The following NDST4 variants were observed in gnomAD, a reference collection of about 807,000 sequenced individuals.
The protein encoded by NDST4 is N-deacetylase and N-sulfotransferase 4.
Under a neutral mutation model 100.8 loss-of-function variants are expected in NDST4, and 63 were observed. The observed-to-expected ratio is 0.62, with a 90% confidence interval of 0.51 to 0.77. NDST4 has a LOEUF of 0.77. NDST4 is among the 30% of genes least tolerant of loss of function. The probability of loss-of-function intolerance (pLI) is 0.00; values close to 1 mark genes in which losing one functional copy is unlikely to be tolerated. For missense variants in NDST4, 943 were observed against 1,018.4 expected, an observed-to-expected ratio of 0.93 and a Z score of 1.01; for synonymous variants, 377 against 361.8, an observed-to-expected ratio of 1.04 and a Z score of -0.48.
rs376969644 is a variant in NDST4 at position 114,987,274 on chromosome 4, C to A, written c.979-10000G>T. Among the ~76,000 whole-genome samples the A allele has an allele frequency of 2.1e-4, 32 of 152,234 alleles. No individual in the cohort carries two copies. In the East Asian group the frequency reaches 2.9e-3, roughly 14 times the overall value. On this transcript the variant is annotated intron_variant, in intron 2 of 13. Coordinates refer to ENST00000264363, the MANE Select transcript of NDST4 (RefSeq NM_022569.3). ...ATAACACAAAATATCCCCAAGAATTCTCAGAAAGGATCTGAGAACTGGGTC... is the reference window on the plus strand; with the variant it reads ...ATAACACAAAATATCCCCAAGAATTATCAGAAAGGATCTGAGAACTGGGTC...
chr4:114,862,411 C>A (rs1054630900), intron 7 of NDST4, among the ~76,000 whole-genome samples: 1 of 152,098 alleles, frequency 6.6e-6, no homozygotes, highest in Middle Eastern at 3.2e-3. Flanking sequence ...AGTTCTCAAC[C>A]TATACTTATT....
intron 1 of NDST4, among the ~76,000 whole-genome samples, chr4:115,106,332 C>G (rs1003553743): frequency 6.6e-6 from 1 of 152,074 alleles, no homozygotes; most frequent in African/African-American, 2.4e-5. Flanking sequence ...TTAGTGTCAT[C>G]AAACTTTTGG....
intron 6 of NDST4, among the ~76,000 whole-genome samples, chr4:114,929,113 C>CATCCATCCATCCATCCATCCATCTATCT: frequency 8.5e-6 from 1 of 117,392 alleles, no homozygotes; most frequent in East Asian, 2.5e-4. Flanking sequence ...TCCATCCATC[C>CATCCATCCATCCATCCATCCATCTATCT]ATCTATCTAT....
In NDST4 at chr4:114,874,023, C is replaced by T. The variant is rs79477952; in HGVS notation, c.1537-3073G>A. On this transcript the variant is annotated intron_variant, in intron 6 of 13. Transcript: ENST00000264363. The stretch of plus-strand genomic sequence containing the variant: ...AAGTGCATTCACATTGTTGTATAAC[C>T]AGCATCACTATTCATCTCCAGAACT... 4.8e-3 allele frequency among the ~76,000 whole-genome samples: 735 copies of T among 151,904 alleles called. 32 individuals carry two copies. In the East Asian group the frequency reaches 0.095, roughly 20 times the overall value.
At chr4:114,899,417 T>C (rs950826736) in intron 6 of NDST4, among the ~76,000 whole-genome samples, 3 of 152,224 alleles carry the variant, frequency 2.0e-5, no homozygotes, top group Middle Eastern at 3.4e-3. Flanking sequence ...GACTTCATGA[T>C]CCACCCACCT....
chr4:115,021,035 C>G (rs1727800672), intron 2 of NDST4, among the ~76,000 whole-genome samples: 1 of 151,958 alleles, frequency 6.6e-6, no homozygotes. Context: ...GCAAAACTAC[C>G]ATGATCCAGC....
chr4:115,103,057 T>C (rs1458845049), intron 1 of NDST4, among the ~76,000 whole-genome samples: 1 of 152,010 alleles, frequency 6.6e-6, no homozygotes, highest in Non-Finnish European at 1.5e-5. Context: ...ATTAATGCTG[T>C]CCAAAAATTT....
intron 2 of NDST4, among the ~76,000 whole-genome samples, chr4:115,043,853 C>T (rs1728404923): frequency 6.6e-6 from 1 of 152,148 alleles, no homozygotes; most frequent in African/African-American, 2.4e-5. Flanking sequence ...AGTATCATAG[C>T]ATTTCAGGGA....
chr4:114,862,269 G>A (rs1326992602), intron 7 of NDST4, among the ~76,000 whole-genome samples: 1 of 152,080 alleles, frequency 6.6e-6, no homozygotes, highest in Admixed American at 6.6e-5. Context: ...TTTCATGGCA[G>A]TCCCAGAAGC....
At chr4:114,843,974 A>T (rs1018883422) in intron 10 of NDST4, among the ~76,000 whole-genome samples, 2 of 60,172 alleles carry the variant, frequency 3.3e-5, no homozygotes, top group Admixed American at 1.9e-4. Flanking sequence ...TTTAGTCCCC[A>T]CCTCCCACCC....
intron 2 of NDST4, among the ~76,000 whole-genome samples, chr4:114,981,705 T>A (rs899870084): frequency 6.6e-6 from 1 of 152,216 alleles, no homozygotes; most frequent in Non-Finnish European, 1.5e-5. Context: ...ATACTATTTA[T>A]ATTAATTTCA....
chr4:114,829,710 C>G lies in NDST4; in HGVS notation c.2499+80G>C, dbSNP rs560217349. On this transcript the variant is annotated intron_variant, in intron 13 of 13. Transcript: ENST00000264363. Reference sequence around the variant, plus strand: ...GCAAAGGAAGAGCAGAAAAAGGAAGCAAATTTCTTGTTACTAGTTTTGAAA... The same window carrying G: ...GCAAAGGAAGAGCAGAAAAAGGAAGGAAATTTCTTGTTACTAGTTTTGAAA... The G allele has an allele frequency of 9.2e-6, 9 of 979,824 alleles. No individual in the cohort carries two copies. The Admixed American group carries it at 1.1e-4, about 12-fold the overall frequency. The allele number at this position is 979,824 out of a possible 1,614,324, so 60.7% of individuals were successfully genotyped here. A position where few individuals can be genotyped will look rare whatever the true frequency, so the allele number is the denominator to read the frequency against.
At chr4:114,879,210 T>C (rs1402383770) in intron 6 of NDST4, among the ~76,000 whole-genome samples, 5 of 152,172 alleles carry the variant, frequency 3.3e-5, no homozygotes, top group Non-Finnish European at 7.3e-5. Flanking sequence ...CTTTGAAATA[T>C]ACAATACATT....
At chr4:115,010,738 G>A (rs971325307) in intron 2 of NDST4, among the ~76,000 whole-genome samples, 8 of 151,948 alleles carry the variant, frequency 5.3e-5, no homozygotes, top group East Asian at 1.9e-4. Flanking sequence ...AATCTAAAGC[G>A]ATTGTAGGAT....
intron 6 of NDST4, among the ~76,000 whole-genome samples, chr4:114,911,452 T>C (rs1483819413): frequency 1.3e-5 from 2 of 152,204 alleles, no homozygotes; most frequent in Non-Finnish European, 2.9e-5. Context: ...CTCCCATTTA[T>C]TGACAAAAAT....
intron 2 of NDST4, among the ~76,000 whole-genome samples, chr4:115,045,621 C>T (rs1472666833): frequency 6.6e-6 from 1 of 152,124 alleles, no homozygotes; most frequent in Non-Finnish European, 1.5e-5. Flanking sequence ...CAACAGATCC[C>T]CTACCATCCC....
At chr4:115,109,561 T>C (rs1182872707) in intron 1 of NDST4, among the ~76,000 whole-genome samples, 2 of 151,938 alleles carry the variant, frequency 1.3e-5, no homozygotes, top group Non-Finnish European at 2.9e-5. Context: ...TTCACTAGAG[T>C]CATCACTTTT....
At chr4:115,039,844 C>T (rs1728313541) in intron 2 of NDST4, among the ~76,000 whole-genome samples, 1 of 151,976 alleles carries the variant, frequency 6.6e-6, no homozygotes, top group African/African-American at 2.4e-5. Flanking sequence ...TATCCTTTCT[C>T]CCATACTAAG....
At chr4:114,856,626 G>T (rs1723798944) in intron 7 of NDST4, among the ~76,000 whole-genome samples, 1 of 152,150 alleles carries the variant, frequency 6.6e-6, no homozygotes, top group Admixed American at 6.5e-5. Flanking sequence ...GATCCATTAA[G>T]AAATGCTTAG....
Sources: allele counts gnomAD v4.1 joint callset (sites outside exome capture counted in the v4.1 genomes callset), GRCh38; gene constraint gnomAD v4.1.1; transcripts MANE v1.5; gene names NCBI Gene and HGNC (gene_info 2026-07-23, HGNC 2026-07-21).